Variants in LRRFIP1 observed in about 807,000 individuals in gnomAD.
LRRFIP1 encodes leucine-rich repeat flightless-interacting protein 1.
Under a neutral mutation model 104.4 loss-of-function variants are expected in LRRFIP1, and 62 were observed. The observed-to-expected ratio is 0.59, with a 90% CI of 0.48 to 0.73. The LOEUF (loss-of-function observed/expected upper bound fraction) is 0.73. Ranked by LOEUF, LRRFIP1 falls within the 30% of genes least tolerant of loss-of-function variation. The probability of loss-of-function intolerance (pLI) is 0.00; values close to 1 mark genes in which losing one functional copy is unlikely to be tolerated. For synonymous variants in LRRFIP1, 300 were observed against 299.0 expected, an observed-to-expected ratio of 1.00 and a Z score of -0.03; for missense variants, 796 against 824.5, an observed-to-expected ratio of 0.97 and a Z score of 0.42.
intron 14 of LRRFIP1, among the ~76,000 whole-genome samples, chr2:237,752,608 C>G (rs1576263704): frequency 6.6e-6 from 1 of 152,096 alleles, no homozygotes; most frequent in African/African-American, 2.4e-5. Flanking sequence ...GGTTCTGCCT[C>G]TCTGTTTTGG....
chr2:237,687,391 G>A (rs765012423), intron 1 of LRRFIP1, among the ~76,000 whole-genome samples: 1 of 152,070 alleles, frequency 6.6e-6, no homozygotes, highest in African/African-American at 2.4e-5. Flanking sequence ...GTTCACTTGA[G>A]GTCAGGAGTT....
At chr2:237,631,725 C>T (rs2082366468) in intron 1 of LRRFIP1, among the ~76,000 whole-genome samples, 1 of 152,238 alleles carries the variant, frequency 6.6e-6, no homozygotes, top group South Asian at 2.1e-4. Flanking sequence ...TAAAGCGATA[C>T]TGGTCTCACC....
Position 237,704,151 on chromosome 2 carries a change from C to CTT in LRRFIP1, c.97-4376_97-4375dup, listed in dbSNP as rs397946161. ...ATTTTGTCGAAACTCTGCAGATGTT[C>CTT]TTTTTTTTTTTTTTTTTTCAAGGCA... On this transcript the variant is annotated intron_variant, in intron 1 of 23. Transcript: ENST00000308482. 2.9e-3 allele frequency among the ~76,000 whole-genome samples: 364 copies of CTT among 123,982 alleles called. 4 individuals carry two copies. Among genetic ancestry groups the CTT allele is most frequent in the Non-Finnish European group, 2.7e-3 (166 of 60,872 alleles). 81.3% of individuals were successfully genotyped at this position (123,982 alleles called of 152,430 possible).
rs770001744 is a variant in LRRFIP1, at chr2:237,762,839, C to A, written c.1459+2634C>A. On this transcript the variant is annotated intron_variant, in intron 19 of 23. Transcript: ENST00000308482. Reference sequence around the variant, plus strand: ...TGAGGAACAGGTTCAAAGCCAAATTCTTGAGAGCAGTTCTCTCCCTGAAAA... The same window carrying A: ...TGAGGAACAGGTTCAAAGCCAAATTATTGAGAGCAGTTCTCTCCCTGAAAA... 7.4e-6 allele frequency: 12 copies of A among 1,614,198 alleles called. 1 individual carries two copies. In the South Asian group the frequency reaches 1.2e-4, roughly 16 times the overall value.
intron 13 of LRRFIP1, among the ~76,000 whole-genome samples, chr2:237,750,434 T>G (rs2058475569): frequency 6.7e-6 from 1 of 149,274 alleles, no homozygotes. Flanking sequence ...CCTCCCAGGT[T>G]CAAGTGATTC....
intron 1 of LRRFIP1, among the ~76,000 whole-genome samples, chr2:237,696,823 C>T (rs1035834366): frequency 6.6e-6 from 1 of 152,224 alleles, no homozygotes; most frequent in Non-Finnish European, 1.5e-5. Context: ...GCTTTTGTCG[C>T]TGTTGTCAGC....
intron 1 of LRRFIP1, among the ~76,000 whole-genome samples, chr2:237,653,833 T>C (rs1559477395): frequency 6.6e-6 from 1 of 152,182 alleles, no homozygotes; most frequent in Non-Finnish European, 1.5e-5. Flanking sequence ...CCTCATCTCA[T>C]TCCATATAAA....
chr2:237,771,647 GCT>G (rs1328969243), intron 20 of LRRFIP1, among the ~76,000 whole-genome samples: 2 of 143,300 alleles, frequency 1.4e-5, no homozygotes, highest in Non-Finnish European at 3.0e-5. Flanking sequence ...CTCCCTGAAA[GCT>G]GGCAAACCGC....
At chr2:237,692,942 G>A (rs1449470644) in intron 1 of LRRFIP1, among the ~76,000 whole-genome samples, 1 of 152,196 alleles carries the variant, frequency 6.6e-6, no homozygotes, top group East Asian at 1.9e-4. Context: ...GGAGCGGCTG[G>A]GGTGCTTTGG....
rs59469398 is a variant in LRRFIP1, at chr2:237,779,880, G to GT, written c.*362dup. The GT allele has an allele frequency of 0.021, 3,193 of 154,172 alleles. 9 individuals are homozygous for GT. The highest frequency in any genetic ancestry group is 0.037 in the South Asian group (206 of 5,508). The allele number at this position is 154,172 out of a possible 1,614,324, so 9.6% of individuals were successfully genotyped here. On this transcript the variant is annotated 3_prime_UTR_variant, in exon 24 of 24. Coordinates refer to ENST00000308482, the MANE Select transcript of LRRFIP1 (RefSeq NM_001137550.2). The stretch of plus-strand genomic sequence containing the variant: ...AAGTAAAGATTCAGTTGGGACTTGA[G>GT]TTTTTTTTTTTTTTCATGTGTCTTG...
chr2:237,743,826 A>G (rs1303037487), intron 11 of LRRFIP1, among the ~76,000 whole-genome samples: 1 of 152,112 alleles, frequency 6.6e-6, no homozygotes, highest in Non-Finnish European at 1.5e-5. Context: ...AGCTTGGGCC[A>G]CACCCAAGCA....
At position 237,722,318 on chromosome 2, in the gene LRRFIP1, A is replaced by G. The variant is rs529520634; in HGVS notation, c.346-1230A>G. On this transcript the variant is annotated intron_variant, in intron 6 of 23. Transcript: ENST00000308482. The stretch of plus-strand genomic sequence containing the variant: ...ACACCCTCCTGAAATTGTAGGCACA[A>G]TTTCAGATGTAAGATGTGTGCACTT... Among the ~76,000 whole-genome samples, 19 of 152,270 alleles carry G rather than the reference A, an allele frequency of 1.2e-4. No individual in the cohort carries two copies. The South Asian group carries it at 3.3e-3, about 27-fold the overall frequency.
chr2:237,702,029 C>T (rs912905494), intron 1 of LRRFIP1, among the ~76,000 whole-genome samples: 5 of 152,096 alleles, frequency 3.3e-5, no homozygotes, highest in African/African-American at 1.2e-4. Context: ...GGGAGGTGCC[C>T]CCATAGACTT....
chr2:237,648,726 C>T (rs115383259), intron 1 of LRRFIP1, among the ~76,000 whole-genome samples: 2,422 of 150,848 alleles, frequency 0.016, 60 homozygotes, highest in African/African-American at 0.056. Flanking sequence ...CAGCCCAGCC[C>T]GAGCAGCCCA....
intron 14 of LRRFIP1, among the ~76,000 whole-genome samples, chr2:237,752,817 C>G (rs1318189056): frequency 6.6e-6 from 1 of 152,244 alleles, no homozygotes; most frequent in African/African-American, 2.4e-5. Flanking sequence ...TGCTCCTTTC[C>G]TGGTTCATAA....
chr2:237,744,940 C>T (rs190411112), intron 11 of LRRFIP1, among the ~76,000 whole-genome samples: 4,272 of 152,296 alleles, frequency 0.028, 196 homozygotes, highest in African/African-American at 0.095. Flanking sequence ...GGACCCCTCT[C>T]TGCACCATGC....
At position 237,627,751 on chromosome 2, in the gene LRRFIP1, CG is replaced by C. The variant is rs1034792523; in HGVS notation, c.96+14del. On this transcript the variant is annotated intron_variant, in intron 1 of 23. Transcript: ENST00000308482. The stretch of plus-strand genomic sequence containing the variant: ...CAGATCGCGCGGGAGGTGAGCGCTC[CG>C]GGAGGGCAGCCGGGGGGCGCCGGGC... The C allele has an allele frequency of 2.4e-6, 3 of 1,238,736 alleles. No homozygotes were observed. Among genetic ancestry groups the C allele is most frequent in the African/African-American group, 3.2e-5 (2 of 62,786 alleles). 76.7% of individuals were successfully genotyped at this position (1,238,736 alleles called of 1,614,324 possible).
chr2:237,677,172 T>A (rs2149599426), intron 1 of LRRFIP1, among the ~76,000 whole-genome samples: 1 of 152,294 alleles, frequency 6.6e-6, no homozygotes, highest in Non-Finnish European at 1.5e-5. Flanking sequence ...ACTGAAACTC[T>A]GCCCCCATTA....
intron 1 of LRRFIP1, 131 bp downstream of exon 1, chr2:237,627,871 G>A: frequency 3.8e-6 from 2 of 532,306 alleles, no homozygotes; most frequent in Non-Finnish European, 5.4e-6. Context: ...CAGGCGGGTG[G>A]GCCGGGCAGG....
Sources: gnomAD v4.1 joint callset for allele counts (sites outside exome capture counted in the v4.1 genomes callset) on GRCh38, gnomAD v4.1.1 for gene constraint, MANE v1.5 for transcripts, NCBI Gene and HGNC (gene_info 2026-07-23, HGNC 2026-07-21) for gene names.